Variants in IK observed in about 807,000 individuals in gnomAD.
The protein encoded by IK is protein Red.
IK carries 47 observed loss-of-function variants against 90.9 expected under a neutral mutation model. That is an observed-to-expected ratio of 0.52 (90% confidence interval 0.41 to 0.66). The LOEUF (loss-of-function observed/expected upper bound fraction) is 0.66, where lower values mean the gene tolerates loss of function less well. IK is among the 30% of genes least tolerant of loss of function. IK has a pLI of 0.00. For missense variants in IK, 385 were observed against 709.3 expected, an observed-to-expected ratio of 0.54 and a Z score of 5.19; for synonymous variants, 201 against 227.5, an observed-to-expected ratio of 0.88 and a Z score of 1.05.
rs764575864 is a variant in IK, at chr5:140,654,088, C to G, written c.519+36C>G. 5.9e-6 allele frequency: 7 copies of G among 1,181,064 alleles called. No homozygotes were observed. The Admixed American group carries it at 1.2e-4, about 21-fold the overall frequency. The allele number at this position is 1,181,064 out of a possible 1,614,324, so 73.2% of individuals were successfully genotyped here. ...GTGGTCAGGTGGGGAGTAATACTGT[C>G]GTGCTGAATGCTCTTGTATGGGTCT... On this transcript the variant is annotated intron_variant, in intron 6 of 19. Transcript: ENST00000417647.
At position 140,661,845 on chromosome 5, in the gene IK, C is replaced by G; in HGVS notation, c.1503-54C>G. The G allele has an allele frequency of 6.6e-7, 1 of 1,512,852 alleles. No individual in the cohort carries two copies. The highest frequency in any genetic ancestry group is 9.0e-7 in the Non-Finnish European group (1 of 1,107,290). The allele number at this position is 1,512,852 out of a possible 1,614,324, so 93.7% of individuals were successfully genotyped here. On this transcript the variant is annotated intron_variant, in intron 17 of 19. Coordinates refer to ENST00000417647, the MANE Select transcript of IK (RefSeq NM_006083.4). The surrounding 1 kb of genome is among the most constrained non-coding windows in gnomAD (Gnocchi z 4.2). ...CTTTGCCCACAGGACTCTGGGAAAA[C>G]CTCGCCACTGCTATGCAATCTCTGA... is the stretch of plus-strand genomic sequence containing the variant.
At position 140,648,563 on chromosome 5, in the gene IK, GAA is replaced by G. The variant is rs754063577; in HGVS notation, c.83+28_83+29del. 88 of 1,601,326 alleles carry G rather than the reference GAA, an allele frequency of 5.5e-5. No individual in the cohort carries two copies. In the African/African-American group the frequency reaches 1.1e-3, roughly 20 times the overall value. ...GTGAGTATTTTGTGCTAGGACCATG[GAA>G]ATGAGTTGGGCAATGAATAGAAAAG... is the stretch of plus-strand genomic sequence containing the variant. On this transcript the variant is annotated intron_variant, in intron 2 of 19. Transcript: ENST00000417647.
Position 140,660,292 on chromosome 5 carries a change from C to CTTTTTTTTTTTTTTTTTTTTTTTTTTTT in IK, c.1355+119_1355+120insTTTTTTTTTTTTTTTTTTTTTTTTTTTT, listed in dbSNP as rs200714869. 4.5e-5 allele frequency: 11 copies of CTTTTTTTTTTTTTTTTTTTTTTTTTTTT among 245,082 alleles called. 3 individuals carry two copies. The African/African-American group carries it at 5.8e-4, about 13-fold the overall frequency. The allele number at this position is 245,082 out of a possible 1,614,324, so 15.2% of individuals were successfully genotyped here. A position where few individuals can be genotyped will look rare whatever the true frequency, so the allele number is the denominator to read the frequency against. On this transcript the variant is annotated intron_variant, in intron 15 of 19. Coordinates refer to ENST00000417647, the MANE Select transcript of IK (RefSeq NM_006083.4). ...GATTCGCTAAGTCCCAGGGCTACTT[C>CTTTTTTTTTTTTTTTTTTTTTTTTTTTT]TTTTTTTTTTTTTTTTTTTTTTGGA...
intron 1 of IK, 47 bp from the exon 2 acceptor site, chr5:140,648,424 C>T (rs773619020): frequency 1.3e-6 from 2 of 1,570,898 alleles, no homozygotes; most frequent in South Asian, 2.2e-5. Flanking sequence ...TGCATAGGAT[C>T]TGACACGTAA....
At chr5:140,648,227 T>C in intron 1 of IK, 3 of 704,260 alleles carry the variant, frequency 4.3e-6, no homozygotes, top group Non-Finnish European at 7.8e-6. Context: ...GTATTTATCT[T>C]TTACGTAGTA....
intron 15 of IK, chr5:140,660,544 C>G: frequency 1.8e-6 from 1 of 550,050 alleles, no homozygotes; most frequent in Non-Finnish European, 3.2e-6. Context: ...GTAATCTGCC[C>G]TCCTCAGCCT....
intron 13 of IK, 143 bp from the exon 14 acceptor site, chr5:140,659,613 G>A: frequency 4.5e-6 from 3 of 671,476 alleles, no homozygotes; most frequent in Non-Finnish European, 5.3e-6. Flanking sequence ...ATCTCAACCA[G>A]AGTGACTCAT....
rs1457956162 is a variant in IK at position 140,648,534 on chromosome 5, A to G, written c.80A>G (p.His27Arg). 6.2e-7 allele frequency: 1 copy of G among 1,613,750 alleles called. No homozygotes were observed. Among genetic ancestry groups the G allele is most frequent in the South Asian group, 1.1e-5 (1 of 91,082 alleles). ...GHDVDDPHSF[H>R]QSKLTNEDFR... ...GATGTGGATGATCCTCACTCCTTCC[A>G]CCAGTGAGTATTTTGTGCTAGGACC... The change falls in exon 2 of 20, where the codon CAC (histidine) becomes CGC (arginine). Residue 27 changes from histidine (H) to arginine (R), a missense_variant. This residue lies in a region of IK where 42 missense variants were observed against 37.9 expected (regional missense o/e 1.11). Coordinates refer to ENST00000417647, the MANE Select transcript of IK (RefSeq NM_006083.4).
Position 140,653,924 on chromosome 5 carries a change from C to CT in IK, c.405-11dup. 1 of 1,560,454 alleles carries CT rather than the reference C, an allele frequency of 6.4e-7. No individual in the cohort carries two copies. Among genetic ancestry groups the CT allele is most frequent in the African/African-American group, 1.4e-5 (1 of 74,042 alleles). ...GGACAGTACTGTTCTTATGTGGCCTCTTTCATTATACAGGGACAAATCAGC... is the reference window on the plus strand; with the variant it reads ...GGACAGTACTGTTCTTATGTGGCCTCTTTTCATTATACAGGGACAAATCAGC... On this transcript the variant is annotated splice_polypyrimidine_tract_variant and intron_variant, in intron 5 of 19. Transcript: ENST00000417647.
intron 9 of IK, among the ~76,000 whole-genome samples, chr5:140,656,249 G>A (rs1757707094): frequency 6.6e-6 from 1 of 152,212 alleles, no homozygotes; most frequent in Non-Finnish European, 1.5e-5. Context: ...ATGGAGTGCA[G>A]TGGTGCTATC....
Position 140,659,165 on chromosome 5 carries a change from G to A in IK, c.1176+1G>A. The A allele has an allele frequency of 6.3e-7, 1 of 1,588,566 alleles. No homozygotes were observed. The highest frequency in any genetic ancestry group is 8.6e-7 in the Non-Finnish European group (1 of 1,166,762). On this transcript the variant is annotated splice_donor_variant, in intron 12 of 19. Coordinates refer to ENST00000417647, the MANE Select transcript of IK (RefSeq NM_006083.4). LOFTEE classifies it high-confidence loss of function. ...TGAGAAGCCAAAAGTAGATGATGAG[G>A]TGAGATGTGGGCCCTTAGTACCAGG...
chr5:140,660,594 G>T, intron 15 of IK, 164 bp from the exon 16 acceptor site: 1 of 590,584 alleles, frequency 1.7e-6, no homozygotes, highest in Non-Finnish European at 3.0e-6. Flanking sequence ...CACTGCGCCT[G>T]GCCCAAGGCT....
intron 8 of IK, among the ~76,000 whole-genome samples, chr5:140,655,261 T>TG (rs1757691099): frequency 6.6e-6 from 1 of 152,204 alleles, no homozygotes. Flanking sequence ...GTTCAAAACT[T>TG]GGAGTCAGAG....
chr5:140,648,373 A>G, intron 1 of IK, 98 bp from the exon 2 acceptor site: 1 of 1,059,708 alleles, frequency 9.4e-7, no homozygotes, highest in East Asian at 2.4e-5. Context: ...TCGCTGTTCT[A>G]ACTTTTGTTC....
chr5:140,654,649 T>C, intron 7 of IK, 32 bp from the exon 8 acceptor site: 2 of 1,587,256 alleles, frequency 1.3e-6, no homozygotes, highest in Non-Finnish European at 1.7e-6. Flanking sequence ...TAGAGCACAT[T>C]TAGCAAAAAT....
chr5:140,654,690 G>C lies in IK; in HGVS notation c.600G>C (p.Glu200Asp). Residue 200 changes from glutamate (E) to aspartate (D), a missense_variant, in exon 8 of 20, where the codon GAG becomes GAC. This residue lies in a region of IK where 46 missense variants were observed against 50.0 expected (regional missense o/e 0.92). Coordinates refer to ENST00000417647, the MANE Select transcript of IK (RefSeq NM_006083.4). ...EKPQKETKKDEDPENKIEFKT... is the reference protein window; with the variant it reads ...EKPQKETKKDDDPENKIEFKT... The stretch of plus-strand genomic sequence containing the variant: ...TTTTTTGTCTTTTCAGGAAAGATGA[G>C]GATCCTGAAAATAAAATTGAATTTA... 6.2e-7 allele frequency: 1 copy of C among 1,603,138 alleles called. No homozygotes were observed. The highest frequency in any genetic ancestry group is 8.5e-7 in the Non-Finnish European group (1 of 1,172,496).
chr5:140,659,252 G>T, intron 12 of IK, 63 bp from the exon 13 acceptor site: 3 of 1,612,964 alleles, frequency 1.9e-6, no homozygotes, highest in Non-Finnish European at 2.5e-6. Flanking sequence ...TTTCAAACTT[G>T]GGGGAGGGAT....
At chr5:140,649,403 C>G (rs60106825) in intron 2 of IK, among the ~76,000 whole-genome samples, 405 of 148,618 alleles carry the variant, frequency 2.7e-3, no homozygotes, top group African/African-American at 9.6e-3. Context: ...TTAGTAGAGA[C>G]AGGGTTTCAC....
intron 8 of IK, 73 bp downstream of exon 8, chr5:140,654,800 T>G: frequency 5.1e-6 from 5 of 985,340 alleles, no homozygotes; most frequent in Non-Finnish European, 7.8e-6. Context: ...CTGGGAAGGA[T>G]ATGCTTCTCC....
Sources: allele counts gnomAD v4.1 joint callset (sites outside exome capture counted in the v4.1 genomes callset), GRCh38; gene constraint gnomAD v4.1.1; regional missense constraint gnomAD v4.1.1; non-coding constraint Gnocchi (gnomAD v3.1); transcripts MANE v1.5; gene names NCBI Gene and HGNC (gene_info 2026-07-23, HGNC 2026-07-21).